Variants in KIAA1328 observed in about 807,000 individuals in gnomAD.
KIAA1328 encodes KIAA1328, also known as protein hinderin.
In KIAA1328, 52 loss-of-function variants were observed where a neutral mutation model predicts 68.1. That is an observed-to-expected ratio of 0.76 (90% confidence interval 0.61 to 0.96). The LOEUF is 0.96. Among genes scored for constraint, KIAA1328 ranks in the 40% least tolerant of loss-of-function variants. The probability of loss-of-function intolerance (pLI) is 0.00; values close to 1 mark genes in which losing one functional copy is unlikely to be tolerated. For missense variants in KIAA1328, 641 were observed against 677.6 expected, an observed-to-expected ratio of 0.95 and a Z score of 0.60; for synonymous variants, 232 against 239.4, an observed-to-expected ratio of 0.97 and a Z score of 0.28.
At chr18:37,024,564 T>C (rs1568305621) in intron 6 of KIAA1328, among the ~76,000 whole-genome samples, 1 of 143,024 alleles carries the variant, frequency 7.0e-6, no homozygotes, top group East Asian at 2.3e-4. Flanking sequence ...TGTGTGATGT[T>C]CCCCTTCCTG....
intron 7 of KIAA1328, among the ~76,000 whole-genome samples, chr18:37,133,244 A>C (rs1192211935): frequency 6.6e-6 from 1 of 151,898 alleles, no homozygotes; most frequent in Non-Finnish European, 1.5e-5. Flanking sequence ...AGGCAGGAGA[A>C]TCGCTTGAAC....
chr18:37,013,059 A>G (rs925606740), intron 6 of KIAA1328, among the ~76,000 whole-genome samples: 1 of 152,124 alleles, frequency 6.6e-6, no homozygotes, highest in Non-Finnish European at 1.5e-5. Flanking sequence ...GCAATCACAT[A>G]TATTTAGAAA....
At chr18:37,211,977 A>G (rs1298486075) in intron 9 of KIAA1328, among the ~76,000 whole-genome samples, 1 of 152,194 alleles carries the variant, frequency 6.6e-6, no homozygotes, top group Non-Finnish European at 1.5e-5. Flanking sequence ...CACTCAGAGT[A>G]TCCCCCCCTA....
chr18:37,124,371 A>C (rs567991392), intron 7 of KIAA1328, among the ~76,000 whole-genome samples: 1 of 151,520 alleles, frequency 6.6e-6, no homozygotes, highest in East Asian at 1.9e-4. Flanking sequence ...TGTTGACTCT[A>C]TTTCCAAAAT....
At chr18:37,003,094 A>G (rs994118703) in intron 6 of KIAA1328, among the ~76,000 whole-genome samples, 1 of 152,154 alleles carries the variant, frequency 6.6e-6, no homozygotes, top group Admixed American at 6.6e-5. Context: ...CATTGTGGAA[A>G]AAACATTCTC....
chr18:37,095,779 C>T (rs528821570), intron 7 of KIAA1328, among the ~76,000 whole-genome samples: 1 of 151,844 alleles, frequency 6.6e-6, no homozygotes, highest in East Asian at 1.9e-4. Flanking sequence ...AAAAGAAGAC[C>T]CAAATAAATA....
chr18:36,885,446 T>G (rs1440568795), intron 4 of KIAA1328, 111 bp from the exon 5 acceptor site: 1 of 579,928 alleles, frequency 1.7e-6, no homozygotes. Flanking sequence ...AGAGTGTTCC[T>G]GAAGAATTCG....
chr18:37,094,810 A>G (rs938010463), intron 7 of KIAA1328, among the ~76,000 whole-genome samples: 2 of 152,176 alleles, frequency 1.3e-5, no homozygotes, highest in Non-Finnish European at 2.9e-5. Flanking sequence ...ACAAAACTCA[A>G]TTATATGCAG....
At chr18:36,908,740 A>G (rs2049313965) in intron 5 of KIAA1328, among the ~76,000 whole-genome samples, 1 of 152,130 alleles carries the variant, frequency 6.6e-6, no homozygotes. Context: ...TGCAGAGCAG[A>G]ATTTGCAGCT....
chr18:36,882,070 G>T (rs1169516393), intron 4 of KIAA1328, among the ~76,000 whole-genome samples: 2 of 152,144 alleles, frequency 1.3e-5, no homozygotes, highest in Non-Finnish European at 2.9e-5. Flanking sequence ...CTGTACAAGG[G>T]TTTTCGTTTT....
At chr18:37,139,291 T>C (rs1035164223) in intron 7 of KIAA1328, among the ~76,000 whole-genome samples, 1 of 152,150 alleles carries the variant, frequency 6.6e-6, no homozygotes, top group Admixed American at 6.5e-5. Context: ...CACTTCGGTC[T>C]CAAAATTTTT....
At chr18:36,913,267 C>T (rs1005253990) in intron 5 of KIAA1328, among the ~76,000 whole-genome samples, 3 of 151,536 alleles carry the variant, frequency 2.0e-5, no homozygotes, top group African/African-American at 7.3e-5. Context: ...GCCTGTAATC[C>T]CAGTGCTTTG....
At chr18:36,886,440 G>C (rs563895143) in intron 5 of KIAA1328, 1 of 152,174 alleles carries the variant, frequency 6.6e-6, no homozygotes, top group African/African-American at 2.4e-5. Context: ...TTACACGGCA[G>C]CATAATGCTG....
At chr18:36,881,591 A>G (rs2048330525) in intron 4 of KIAA1328, among the ~76,000 whole-genome samples, 1 of 152,174 alleles carries the variant, frequency 6.6e-6, no homozygotes, top group Non-Finnish European at 1.5e-5. Flanking sequence ...CCCTATATGC[A>G]TTAGCACTCA....
chr18:37,126,907 A>G (rs1188169516), intron 7 of KIAA1328, among the ~76,000 whole-genome samples: 1 of 152,160 alleles, frequency 6.6e-6, no homozygotes, highest in Non-Finnish European at 1.5e-5. Flanking sequence ...AAATCTCTCA[A>G]TATACTAGTA....
intron 7 of KIAA1328, among the ~76,000 whole-genome samples, chr18:37,141,298 A>G (rs1210348429): frequency 6.6e-6 from 1 of 152,168 alleles, no homozygotes; most frequent in Non-Finnish European, 1.5e-5. Flanking sequence ...GTTATATATC[A>G]CTTGAAATAT....
intron 4 of KIAA1328, among the ~76,000 whole-genome samples, chr18:36,847,757 A>G (rs921460336): frequency 4.6e-5 from 7 of 151,384 alleles, no homozygotes; most frequent in Admixed American, 1.3e-4. Context: ...CAGTTTATCA[A>G]TTTTTTCCTT....
chr18:37,158,251 C>A (rs2059200125), intron 7 of KIAA1328, among the ~76,000 whole-genome samples: 1 of 152,042 alleles, frequency 6.6e-6, no homozygotes, highest in African/African-American at 2.4e-5. Flanking sequence ...GATGCCCAGT[C>A]CGATCTCAAA....
intron 7 of KIAA1328, among the ~76,000 whole-genome samples, chr18:37,072,128 A>G (rs920788450): frequency 6.6e-6 from 1 of 152,026 alleles, no homozygotes; most frequent in Non-Finnish European, 1.5e-5. Flanking sequence ...TTCCTTTCTG[A>G]TGTTCCAAGA....
Sources: allele counts gnomAD v4.1 joint callset (sites outside exome capture counted in the v4.1 genomes callset), GRCh38; gene constraint gnomAD v4.1.1; transcripts MANE v1.5; gene names NCBI Gene and HGNC (gene_info 2026-07-23, HGNC 2026-07-21).